Variants in SIPA1L1 observed in about 807,000 individuals in gnomAD.
SIPA1L1 encodes signal-induced proliferation-associated 1-like protein 1.
Under a neutral mutation model 162.7 loss-of-function variants are expected in SIPA1L1, and 26 were observed. That is an observed-to-expected ratio of 0.16 (90% CI 0.12 to 0.22). The LOEUF is 0.22. SIPA1L1 is among the 10% of genes least tolerant of loss of function. SIPA1L1 has a pLI of 1.00. For missense variants in SIPA1L1, 1,874 were observed against 2,241.0 expected (o/e 0.84, Z 3.31); for synonymous variants, 829 against 837.4 (o/e 0.99, Z 0.17).
At chr14:71,437,296 T>G (rs1319604028) in intron 2 of SIPA1L1, among the ~76,000 whole-genome samples, 3 of 152,110 alleles carry the variant, frequency 2.0e-5, no homozygotes, top group Non-Finnish European at 4.4e-5. Context: ...GGAGGATTGC[T>G]TGAGCCCAGG....
intron 2 of SIPA1L1, among the ~76,000 whole-genome samples, chr14:71,380,580 G>A (rs964402993): frequency 6.6e-6 from 1 of 152,222 alleles, no homozygotes; most frequent in African/African-American, 2.4e-5. Flanking sequence ...TGGAGAACAA[G>A]ACTTTAAGAG....
chr14:71,514,641 A>T (rs1328795666), intron 3 of SIPA1L1, among the ~76,000 whole-genome samples: 1 of 152,022 alleles, frequency 6.6e-6, no homozygotes, highest in East Asian at 1.9e-4. Flanking sequence ...GTCCTGCCCT[A>T]TTTGTGTCTG....
At chr14:71,584,019 G>A (rs1437608008) in intron 4 of SIPA1L1, among the ~76,000 whole-genome samples, 3 of 152,144 alleles carry the variant, frequency 2.0e-5, no homozygotes, top group Non-Finnish European at 4.4e-5. Context: ...CCATGCTTCT[G>A]TCTCATCCTA....
At chr14:71,548,190 T>C (rs2055424154) in intron 4 of SIPA1L1, among the ~76,000 whole-genome samples, 1 of 152,252 alleles carries the variant, frequency 6.6e-6, no homozygotes, top group Admixed American at 6.5e-5. Flanking sequence ...AATTGAATTA[T>C]GTATTTCTTT....
chr14:71,545,992 C>CG (rs1405486743), intron 4 of SIPA1L1, among the ~76,000 whole-genome samples: 3 of 151,842 alleles, frequency 2.0e-5, no homozygotes, highest in Admixed American at 6.6e-5. Flanking sequence ...TCCAGGCTGT[C>CG]GCAAAAGGTG....
chr14:71,542,739 C>G (rs1392847462), intron 4 of SIPA1L1, among the ~76,000 whole-genome samples: 6 of 138,580 alleles, frequency 4.3e-5, no homozygotes, highest in African/African-American at 1.6e-4. Flanking sequence ...CCTCCTTCTT[C>G]TCTCTCTCTC....
intron 22 of SIPA1L1, 65 bp from the exon 23 acceptor site, chr14:71,738,176 A>C (rs1340511198): frequency 2.4e-5 from 19 of 799,676 alleles, no homozygotes; most frequent in South Asian, 1.9e-4. Context: ...AAAAAAAAAA[A>C]AAAAAAAAAA....
At chr14:71,340,341 C>G (rs573260992) in intron 2 of SIPA1L1, among the ~76,000 whole-genome samples, 2 of 151,666 alleles carry the variant, frequency 1.3e-5, no homozygotes, top group Non-Finnish European at 1.5e-5. Context: ...AGGACTTTGG[C>G]CTGTCACGGT....
chr14:71,407,399 CT>C (rs2042097390), intron 2 of SIPA1L1, among the ~76,000 whole-genome samples: 1 of 151,808 alleles, frequency 6.6e-6, no homozygotes, highest in Non-Finnish European at 1.5e-5. Context: ...CTTTTCTTTT[CT>C]TTCTTTCTCT....
At chr14:71,606,422 G>A (rs781269548) in intron 5 of SIPA1L1, among the ~76,000 whole-genome samples, 1 of 152,158 alleles carries the variant, frequency 6.6e-6, no homozygotes, top group Non-Finnish European at 1.5e-5. Flanking sequence ...CAGGAATGTG[G>A]AGATGCAAGT....
chr14:71,356,430 A>G (rs995478372), intron 2 of SIPA1L1, among the ~76,000 whole-genome samples: 2 of 151,390 alleles, frequency 1.3e-5, no homozygotes, highest in Non-Finnish European at 2.9e-5. Flanking sequence ...GAAACCTACT[A>G]TTTAAAAACG....
Position 71,651,882 on chromosome 14 carries a change from C to T in SIPA1L1, c.1993+1373C>T, listed in dbSNP as rs552373102. 2.9e-4 allele frequency among the ~76,000 whole-genome samples: 44 copies of T among 152,230 alleles called. No homozygotes were observed. In the South Asian group the frequency reaches 8.9e-3, roughly 31 times the overall value. On this transcript the variant is annotated intron_variant, in intron 8 of 23. Coordinates refer to ENST00000381232, the MANE Select transcript of SIPA1L1 (RefSeq NM_001386936.1). Reference sequence around the variant, plus strand: ...TTTGTGCACAGTTTGTCCAATTATCCCAACAACTGCAAAGGCTAGAGGGGG... The same window carrying T: ...TTTGTGCACAGTTTGTCCAATTATCTCAACAACTGCAAAGGCTAGAGGGGG...
intron 5 of SIPA1L1, among the ~76,000 whole-genome samples, chr14:71,613,851 G>A (rs139267109): frequency 1.5e-3 from 211 of 141,322 alleles, no homozygotes; most frequent in Non-Finnish European, 2.7e-3. Flanking sequence ...CATACTGCCC[G>A]GGGACTAGGG....
chr14:71,499,711 A>T (rs1053302520), intron 2 of SIPA1L1, among the ~76,000 whole-genome samples: 1 of 152,200 alleles, frequency 6.6e-6, no homozygotes, highest in Non-Finnish European at 1.5e-5. Context: ...TAGTAATGAG[A>T]TATTCAGGGG....
intron 2 of SIPA1L1, among the ~76,000 whole-genome samples, chr14:71,372,813 A>G (rs2039014462): frequency 6.6e-6 from 1 of 152,182 alleles, no homozygotes. Context: ...AAACACAGGA[A>G]TAAGTACCTG....
At position 71,481,939 on chromosome 14, in the gene SIPA1L1, C is replaced by CT. The variant is rs1391062777; in HGVS notation, c.-464-30801dup. ...ATAGTTGGATAATCCTATGACATCTCTTTATAGATATATCAAAATGGTAAC... is the reference window on the plus strand; with the variant it reads ...ATAGTTGGATAATCCTATGACATCTCTTTTATAGATATATCAAAATGGTAAC... On this transcript the variant is annotated intron_variant, in intron 2 of 23. Transcript: ENST00000381232. Among the ~76,000 whole-genome samples the CT allele has an allele frequency of 2.0e-5, 3 of 152,196 alleles. No individual in the cohort carries two copies. The East Asian group carries it at 5.8e-4, about 29-fold the overall frequency.
chr14:71,575,847 T>C (rs1035333449), intron 4 of SIPA1L1, among the ~76,000 whole-genome samples: 1 of 152,224 alleles, frequency 6.6e-6, no homozygotes, highest in Non-Finnish European at 1.5e-5. Flanking sequence ...CACTATTTTT[T>C]ATTCATTACT....
chr14:71,397,171 T>G (rs1396688994), intron 2 of SIPA1L1, among the ~76,000 whole-genome samples: 1 of 152,146 alleles, frequency 6.6e-6, no homozygotes, highest in Non-Finnish European at 1.5e-5. Context: ...ATGGTGCAGT[T>G]TCTTTCTTTG....
At chr14:71,420,902 A>G (rs1042647278) in intron 2 of SIPA1L1, among the ~76,000 whole-genome samples, 23 of 152,140 alleles carry the variant, frequency 1.5e-4, no homozygotes, top group Middle Eastern at 3.2e-3. Context: ...TGTTTTCTCT[A>G]TTGTTTCAAA....
Sources: gnomAD v4.1 joint callset for allele counts (sites outside exome capture counted in the v4.1 genomes callset) on GRCh38, gnomAD v4.1.1 for gene constraint, MANE v1.5 for transcripts, NCBI Gene and HGNC (gene_info 2026-07-23, HGNC 2026-07-21) for gene names.